The following NRBP1 variants were observed in gnomAD, a reference collection of about 807,000 sequenced individuals.
NRBP1 encodes the protein nuclear receptor binding protein 1.
NRBP1 carries 10 observed loss-of-function variants against 76.0 expected under a neutral mutation model. The observed-to-expected ratio is 0.13, with a 90% CI of 0.08 to 0.22. The LOEUF is 0.22. Ranked by LOEUF, NRBP1 falls within the 10% of genes least tolerant of loss-of-function variation. The probability of loss-of-function intolerance (pLI) is 1.00; values close to 1 mark genes in which losing one functional copy is unlikely to be tolerated. For synonymous variants in NRBP1, 235 were observed against 240.2 expected, an observed-to-expected ratio of 0.98 and a Z score of 0.20; for missense variants, 344 against 646.0, an observed-to-expected ratio of 0.53 and a Z score of 5.07.
Position 27,442,092 on chromosome 2 carries a change from G to C in NRBP1, c.*280G>C. The C allele has an allele frequency of 1.9e-6, 1 of 532,936 alleles. No individual in the cohort carries two copies. The highest frequency in any genetic ancestry group is 3.3e-6 in the Non-Finnish European group (1 of 304,978). 33.0% of individuals were successfully genotyped at this position (532,936 alleles called of 1,614,324 possible). The stretch of plus-strand genomic sequence containing the variant: ...GCTAGTCGCTGATCTGCCGGCTCCC[G>C]CCCAGCCTGTGTGGAAAGGAGGCCC... On this transcript the variant is annotated 3_prime_UTR_variant, in exon 18 of 18. Coordinates refer to ENST00000379852, the MANE Select transcript of NRBP1 (RefSeq NM_013392.4).
intron 11 of NRBP1, 93 bp downstream of exon 11, chr2:27,439,991 GATTCTTTTTTTTTTTTTTTTTT>G: frequency 5.6e-6 from 2 of 356,798 alleles, no homozygotes; most frequent in Non-Finnish European, 9.0e-6. Flanking sequence ...TTTCCAAAGG[GATTCTTTTTTTTTTTTTTTTTT>G]TTTTTTTTTT....
chr2:27,440,619 T>C (rs1157205999), intron 12 of NRBP1, 33 bp from the exon 13 acceptor site: 1 of 1,613,682 alleles, frequency 6.2e-7, no homozygotes, highest in Non-Finnish European at 8.5e-7. Context: ...GCTTGTTTCT[T>C]TCCTTCCATC....
At chr2:27,438,177 CA>C (rs374457826) in intron 10 of NRBP1, among the ~76,000 whole-genome samples, 65,566 of 132,972 alleles carry the variant, frequency 0.49, 15,589 homozygotes, top group African/African-American at 0.66. Flanking sequence ...GAGACTGTCT[CA>C]AAAAAAAAAA....
intron 14 of NRBP1, 47 bp from the exon 15 acceptor site, chr2:27,441,080 G>T (rs1228928360): frequency 1.2e-6 from 2 of 1,611,434 alleles, no homozygotes; most frequent in Non-Finnish European, 1.7e-6. Context: ...TAGGTATTGG[G>T]TTTTTTATGG....
At chr2:27,436,530 A>G in intron 7 of NRBP1, 1 of 540,640 alleles carries the variant, frequency 1.8e-6, no homozygotes, top group Non-Finnish European at 3.3e-6. Context: ...GTTGCTCCTG[A>G]TTTAGGGACA....
chr2:27,433,577 A>G lies in NRBP1; in HGVS notation c.210+94A>G, dbSNP rs182791683. ...CTTAAAAGAGGCCAACCAAACTTCA[A>G]TAGGTTGGGGGCTAGGAGGAGATGA... On this transcript the variant is annotated intron_variant, in intron 2 of 17. Coordinates refer to ENST00000379852, the MANE Select transcript of NRBP1 (RefSeq NM_013392.4). The G allele has an allele frequency of 1.4e-5, 23 of 1,598,216 alleles. No homozygotes were observed. In the African/African-American group the frequency reaches 1.7e-4, roughly 12 times the overall value.
intron 1 of NRBP1, 116 bp downstream of exon 1, chr2:27,428,847 G>C (rs1332560393): frequency 2.5e-6 from 1 of 397,664 alleles, no homozygotes; most frequent in Non-Finnish European, 4.4e-6. Context: ...AGGCGGCCCT[G>C]CTCACTCAGT....
intron 10 of NRBP1, 117 bp downstream of exon 10, chr2:27,437,477 C>T (rs1664350780): frequency 1.4e-6 from 1 of 729,516 alleles, no homozygotes; most frequent in Admixed American, 2.8e-5. Context: ...ACAGAAAGGA[C>T]ACGAAAAATC....
Position 27,434,457 on chromosome 2 carries a change from C to T in NRBP1, c.436-14C>T, listed in dbSNP as rs1420364445. 4 of 1,597,574 alleles carry T rather than the reference C, an allele frequency of 2.5e-6. No individual in the cohort carries two copies. The highest frequency in any genetic ancestry group is 2.2e-5 in the South Asian group (2 of 90,650). ...CTACTATAAGGCCTTTTAGTAAGTG[C>T]TTTGCCTCCCCAGGTCATTTTTATC... On this transcript the variant is annotated splice_polypyrimidine_tract_variant and intron_variant, in intron 4 of 17. Coordinates refer to ENST00000379852, the MANE Select transcript of NRBP1 (RefSeq NM_013392.4).
intron 7 of NRBP1, chr2:27,435,730 T>C (rs1664280746): frequency 1.4e-6 from 1 of 717,496 alleles, no homozygotes; most frequent in Non-Finnish European, 2.6e-6. Flanking sequence ...CAGTCTTTCA[T>C]AGGATTTTTG....
In NRBP1 at chr2:27,435,903, G is replaced by A. The variant is rs906000499; in HGVS notation, c.661+676G>A. 5 of 666,290 alleles carry A rather than the reference G, an allele frequency of 7.5e-6. No individual in the cohort carries two copies. In the African/African-American group the frequency reaches 8.9e-5, roughly 12 times the overall value. 41.3% of individuals were successfully genotyped at this position (666,290 alleles called of 1,614,324 possible). On this transcript the variant is annotated intron_variant, in intron 7 of 17. Coordinates refer to ENST00000379852, the MANE Select transcript of NRBP1 (RefSeq NM_013392.4). ...CTTCTGCCCTGCCAGCCCTCCGCCTGCTTGCCCCTTCATAACCTGCTTGTT... is the reference window on the plus strand; with the variant it reads ...CTTCTGCCCTGCCAGCCCTCCGCCTACTTGCCCCTTCATAACCTGCTTGTT...
At chr2:27,438,662 T>C (rs776495920) in intron 10 of NRBP1, among the ~76,000 whole-genome samples, 25 of 151,998 alleles carry the variant, frequency 1.6e-4, no homozygotes, top group Non-Finnish European at 3.4e-4. Flanking sequence ...ATGCAGGAGG[T>C]AGAAAAGGAG....
At chr2:27,435,841 C>T in intron 7 of NRBP1, 3 of 713,968 alleles carry the variant, frequency 4.2e-6, no homozygotes, top group Non-Finnish European at 5.2e-6. Context: ...AGCAAACCCT[C>T]TTCCCCTATC....
Position 27,433,659 on chromosome 2 carries a change from G to C in NRBP1, c.211-14G>C. On this transcript the variant is annotated splice_polypyrimidine_tract_variant and intron_variant, in intron 2 of 17. Coordinates refer to ENST00000379852, the MANE Select transcript of NRBP1 (RefSeq NM_013392.4). ...AGATAAGTTTAATTCTCTTTCATATGAATTTCTTCTCAGGTGAATCAACGG... is the reference window on the plus strand; with the variant it reads ...AGATAAGTTTAATTCTCTTTCATATCAATTTCTTCTCAGGTGAATCAACGG... 1.2e-6 allele frequency: 2 copies of C among 1,614,070 alleles called. No individual in the cohort carries two copies. Among genetic ancestry groups the C allele is most frequent in the Non-Finnish European group, 1.7e-6 (2 of 1,179,968 alleles).
In NRBP1 at chr2:27,441,250, ACTGT is replaced by A. The variant is rs1201303021; in HGVS notation, c.1384-15_1384-12del. On this transcript the variant is annotated splice_polypyrimidine_tract_variant and intron_variant, in intron 15 of 17. Transcript: ENST00000379852. ...TAGGGAAGAAAAGTCTCATTTTCTGACTGTCCTATTCTCCAGCTGACACTTCTGC... is the reference window on the plus strand; with the variant it reads ...TAGGGAAGAAAAGTCTCATTTTCTGACCTATTCTCCAGCTGACACTTCTGC... 1.2e-6 allele frequency: 2 copies of A among 1,613,850 alleles called. No homozygotes were observed. Among genetic ancestry groups the A allele is most frequent in the Non-Finnish European group, 1.7e-6 (2 of 1,179,928 alleles).
chr2:27,441,412 C>G (rs1333658407), intron 16 of NRBP1, 82 bp downstream of exon 16: 1 of 1,455,634 alleles, frequency 6.9e-7, no homozygotes, highest in Non-Finnish European at 9.6e-7. Flanking sequence ...GGGGAGGTGA[C>G]AAGGCAGTAA....
chr2:27,440,410 C>T lies in NRBP1; in HGVS notation c.1044C>T (p.Ile348=), dbSNP rs1489320389. ...CTCCATCATGCCCTCCAGACATGAT[C>T]CCAGAGAACGCTCTAGAGGAGATCA... ...AHCIVGHQHM[I]PENALEEITK... The change falls in exon 12 of 18, where the codon ATC becomes ATT. Residue 348 remains isoleucine (I), a synonymous_variant. Transcript: ENST00000379852. 4 of 1,609,280 alleles carry T rather than the reference C, an allele frequency of 2.5e-6. 1 individual carries two copies. In the South Asian group the frequency reaches 4.4e-5, roughly 18 times the overall value.
chr2:27,441,655 C>T, intron 17 of NRBP1, 33 bp downstream of exon 17: 1 of 1,613,296 alleles, frequency 6.2e-7, no homozygotes, highest in Non-Finnish European at 8.5e-7. Context: ...CCCTGGCTGC[C>T]CCCATGCCTT....
intron 1 of NRBP1, among the ~76,000 whole-genome samples, chr2:27,432,459 T>C (rs1289782082): frequency 6.6e-6 from 1 of 152,204 alleles, no homozygotes; most frequent in East Asian, 1.9e-4. Context: ...TATTTTTAAT[T>C]TTTAAAAGTT....
Sources: gnomAD v4.1 joint callset for allele counts (sites outside exome capture counted in the v4.1 genomes callset) on GRCh38, gnomAD v4.1.1 for gene constraint, MANE v1.5 for transcripts, NCBI Gene and HGNC (gene_info 2026-07-23, HGNC 2026-07-21) for gene names.